The following PPIL4 variants were observed in gnomAD, a reference collection of about 807,000 sequenced individuals.
PPIL4 encodes the protein peptidyl-prolyl cis-trans isomerase-like 4.
In PPIL4, 50 loss-of-function variants were observed where a neutral mutation model predicts 69.1. That is an observed-to-expected ratio of 0.72 (90% CI 0.58 to 0.92). PPIL4 has a LOEUF of 0.92. Ranked by LOEUF, PPIL4 falls within the 40% of genes least tolerant of loss-of-function variation. PPIL4 has a pLI of 0.00. For missense variants in PPIL4, 480 were observed against 587.9 expected (o/e 0.82, Z 1.90); for synonymous variants, 193 against 191.6 (o/e 1.01, Z -0.06).
intron 10 of PPIL4, chr6:149,517,716 C>T (rs1776967925): frequency 3.8e-6 from 1 of 261,614 alleles, no homozygotes; most frequent in Non-Finnish European, 7.2e-6. Flanking sequence ...ACACAAATGC[C>T]GTGTTCAAGT....
intron 7 of PPIL4, among the ~76,000 whole-genome samples, chr6:149,530,322 G>T (rs1435791987): frequency 1.3e-5 from 2 of 152,072 alleles, no homozygotes; most frequent in Non-Finnish European, 2.9e-5. Context: ...GCCAAAAAAA[G>T]AATCCATGAG....
intron 11 of PPIL4, among the ~76,000 whole-genome samples, chr6:149,513,404 AAAAAAAAAATATAT>A (rs1776888647): frequency 1.9e-5 from 2 of 106,760 alleles, no homozygotes; most frequent in African/African-American, 7.4e-5. Context: ...AAAAAAAAAA[AAAAAAAAAATATAT>A]ATATATATAT....
chr6:149,533,351 T>C (rs1185841233), intron 7 of PPIL4, 107 bp downstream of exon 7: 1 of 658,886 alleles, frequency 1.5e-6, no homozygotes, highest in East Asian at 2.7e-5. Flanking sequence ...AAAAAAATCA[T>C]AACTCAATTT....
chr6:149,534,628 A>G lies in PPIL4; in HGVS notation c.561+50T>C, dbSNP rs745442684. 3.2e-6 allele frequency: 3 copies of G among 950,196 alleles called. 1 individual carries two copies. The highest frequency in any genetic ancestry group is 5.7e-4 in the Middle Eastern group (2 of 3,490). 58.9% of individuals were successfully genotyped at this position (950,196 alleles called of 1,614,324 possible). A position where few individuals can be genotyped will look rare whatever the true frequency, so the allele number is the denominator to read the frequency against. ...TAACAGATGAAAAAGATAAATCCATACAAATCATTAATATGAATGTACATT... is the reference window on the plus strand; with the variant it reads ...TAACAGATGAAAAAGATAAATCCATGCAAATCATTAATATGAATGTACATT... On this transcript the variant is annotated intron_variant, in intron 6 of 12. Coordinates refer to ENST00000253329, the MANE Select transcript of PPIL4 (RefSeq NM_139126.4).
At chr6:149,540,468 A>G (rs9406344) in intron 4 of PPIL4, among the ~76,000 whole-genome samples, 39,928 of 152,040 alleles carry the variant, frequency 0.26, 6,637 homozygotes, top group East Asian at 0.78. Context: ...TATAAAAATT[A>G]GCCAGGTGTT....
intron 7 of PPIL4, among the ~76,000 whole-genome samples, chr6:149,531,395 C>T (rs1481116503): frequency 6.9e-6 from 1 of 145,540 alleles, no homozygotes; most frequent in East Asian, 2.0e-4. Flanking sequence ...ATTAGCCAGG[C>T]GTGGGTGGCA....
At chr6:149,530,246 CT>C (rs1777175543) in intron 7 of PPIL4, among the ~76,000 whole-genome samples, 1 of 152,142 alleles carries the variant, frequency 6.6e-6, no homozygotes, top group African/African-American at 2.4e-5. Context: ...TAGAAACTCT[CT>C]GTACTTTATG....
chr6:149,542,674 C>T (rs1777381525), intron 1 of PPIL4, among the ~76,000 whole-genome samples: 1 of 152,104 alleles, frequency 6.6e-6, no homozygotes, highest in African/African-American at 2.4e-5. Context: ...TTTAAAAATT[C>T]CACAAGAGTT....
chr6:149,509,921 T>C (rs554027702), intron 12 of PPIL4, among the ~76,000 whole-genome samples: 1 of 152,128 alleles, frequency 6.6e-6, no homozygotes, highest in Admixed American at 6.6e-5. Context: ...ACTACTACTT[T>C]TTTCTTTTAT....
At chr6:149,508,419 G>A (rs1776796983) in intron 12 of PPIL4, among the ~76,000 whole-genome samples, 2 of 151,992 alleles carry the variant, frequency 1.3e-5, no homozygotes, top group Non-Finnish European at 2.9e-5. Flanking sequence ...AAACTACCAT[G>A]TGGCAAAAAA....
intron 8 of PPIL4, among the ~76,000 whole-genome samples, chr6:149,525,827 G>A (rs893857274): frequency 3.3e-5 from 5 of 152,142 alleles, no homozygotes; most frequent in East Asian, 1.9e-4. Flanking sequence ...AAAGCCGGGC[G>A]CAGTGGCTCA....
At chr6:149,509,823 G>T (rs1257079549) in intron 12 of PPIL4, among the ~76,000 whole-genome samples, 1 of 152,112 alleles carries the variant, frequency 6.6e-6, no homozygotes, top group Non-Finnish European at 1.5e-5. Context: ...AAAACTATGG[G>T]CAAGTAACAA....
Position 149,505,598 on chromosome 6 carries a change from C to G in PPIL4, c.1334G>C (p.Arg445Pro). ...RDRTQNRSRS[R>P]SRERDGHYSN... ...ATAATGGCCATCCCTCTCTCGAGAT[C>G]GGCTACGACTTCGGTTCTGAGTTCG... Residue 445 changes from arginine to proline, a missense_variant, in exon 13 of 13, where the codon CGA (arginine) becomes CCA (proline). Coordinates refer to ENST00000253329, the MANE Select transcript of PPIL4 (RefSeq NM_139126.4). 2 of 1,614,120 alleles carry G rather than the reference C, an allele frequency of 1.2e-6. No homozygotes were observed. The highest frequency in any genetic ancestry group is 1.7e-5 in the Admixed American group (1 of 60,002).
intron 12 of PPIL4, among the ~76,000 whole-genome samples, chr6:149,509,228 T>C (rs935146066): frequency 6.6e-6 from 1 of 152,152 alleles, no homozygotes; most frequent in Non-Finnish European, 1.5e-5. Flanking sequence ...AAAATACTAA[T>C]AGCATTCCCC....
At chr6:149,543,650 T>G (rs929587413) in intron 1 of PPIL4, among the ~76,000 whole-genome samples, 2 of 152,182 alleles carry the variant, frequency 1.3e-5, no homozygotes, top group African/African-American at 4.8e-5. Context: ...GTTTTTTTTC[T>G]TTTTTAACCT....
chr6:149,526,286 T>C (rs932902574), intron 8 of PPIL4, among the ~76,000 whole-genome samples: 5 of 152,204 alleles, frequency 3.3e-5, no homozygotes, highest in Non-Finnish European at 5.9e-5. Context: ...AGTTTTAAAT[T>C]AATTTTGACA....
Position 149,535,741 on chromosome 6 carries a change from A to G in PPIL4, c.322-3T>C. Reference sequence around the variant, plus strand: ...TTTTCTCCTGTGGTGATAAGAAACTATAAAGAAGGACACATAATAAATACC... The same window carrying G: ...TTTTCTCCTGTGGTGATAAGAAACTGTAAAGAAGGACACATAATAAATACC... On this transcript the variant is annotated splice_region_variant and splice_polypyrimidine_tract_variant and intron_variant, in intron 4 of 12. Transcript: ENST00000253329. 6.3e-7 allele frequency: 1 copy of G among 1,587,232 alleles called. No homozygotes were observed. The highest frequency in any genetic ancestry group is 2.2e-5 in the East Asian group (1 of 44,668).
At chr6:149,523,399 A>G (rs1404291156) in intron 9 of PPIL4, among the ~76,000 whole-genome samples, 1 of 152,242 alleles carries the variant, frequency 6.6e-6, no homozygotes, top group East Asian at 1.9e-4. Context: ...AGATCAATAA[A>G]AAAGTAAAAC....
chr6:149,540,809 G>T, intron 4 of PPIL4, 133 bp downstream of exon 4: 1 of 487,092 alleles, frequency 2.1e-6, no homozygotes, highest in Non-Finnish European at 3.7e-6. Flanking sequence ...TAGAAAAAGT[G>T]CATTTTTTCC....
Sources: allele counts gnomAD v4.1 joint callset (sites outside exome capture counted in the v4.1 genomes callset), GRCh38; gene constraint gnomAD v4.1.1; transcripts MANE v1.5; gene names NCBI Gene and HGNC (gene_info 2026-07-23, HGNC 2026-07-21).